Variants in STK32C observed in about 807,000 individuals in gnomAD.
The protein encoded by STK32C is serine/threonine kinase 32C.
A neutral mutation model predicts 56.5 loss-of-function variants in STK32C; 31 were observed. The ratio of observed to expected loss-of-function variants is 0.55; its 90% confidence interval spans 0.41 to 0.74. The LOEUF is 0.74. STK32C is among the 30% of genes least tolerant of loss of function. The pLI is 0.00. For synonymous variants in STK32C, 309 were observed against 289.4 expected, an observed-to-expected ratio of 1.07 and a Z score of -0.69; for missense variants, 544 against 676.9, an observed-to-expected ratio of 0.80 and a Z score of 2.18.
At chr10:132,331,509 C>T (rs1423382507) in exon 1 of STK32C, 1 of 1,612,934 alleles carries the variant, frequency 6.2e-7, no homozygotes, top group East Asian at 2.2e-5. Flanking sequence ...TCTGAGTCTG[C>T]GTTCCCCTGG....
intron 3 of STK32C, among the ~76,000 whole-genome samples, chr10:132,227,633 T>TGATGGG (rs898300308): frequency 6.6e-6 from 1 of 151,814 alleles, no homozygotes; most frequent in African/African-American, 2.4e-5. Context: ...ATGGTGATGG[T>TGATGGG]GATGACAGTG....
At chr10:132,241,356 A>C (rs142777779) in intron 2 of STK32C, among the ~76,000 whole-genome samples, 19 of 152,366 alleles carry the variant, frequency 1.2e-4, no homozygotes, top group Admixed American at 1.2e-3. Context: ...TAACACTGGG[A>C]AAAGTTAGAA....
chr10:132,326,275 G>A (rs1212979635), intron 1 of STK32C, among the ~76,000 whole-genome samples: 1 of 152,156 alleles, frequency 6.6e-6, no homozygotes, highest in South Asian at 2.1e-4. Flanking sequence ...GTGATATTAC[G>A]CCAGAGTCAG....
intron 5 of STK32C, 40 bp from the exon 6 acceptor site, chr10:132,225,656 G>A: frequency 1.2e-6 from 2 of 1,608,592 alleles, no homozygotes; most frequent in Non-Finnish European, 1.7e-6. Flanking sequence ...CCCAGGACCA[G>A]AGATGCATCC....
At chr10:132,331,929 A>T, upstream of STK32C, 1 of 511,064 alleles carries the variant, frequency 2.0e-6, no homozygotes, top group Non-Finnish European at 2.9e-6. Context: ...CCCCCACCGC[A>T]AGCGCAACCC....
In STK32C at chr10:132,222,840, C is replaced by T; in HGVS notation, c.1119+21G>A. The T allele has an allele frequency of 1.9e-6, 3 of 1,590,168 alleles. No homozygotes were observed. In the East Asian group the frequency reaches 6.9e-5, roughly 37 times the overall value. On this transcript the variant is annotated intron_variant, in intron 9 of 11. Transcript: ENST00000298630. The stretch of plus-strand genomic sequence containing the variant: ...CACATCCATCCCCAGGGCCCCCCAC[C>T]TGAGCCGCCCACAGGCTTACGTTGG...
chr10:132,259,959 C>T (rs1330872403), intron 1 of STK32C, among the ~76,000 whole-genome samples: 2 of 152,160 alleles, frequency 1.3e-5, no homozygotes, highest in African/African-American at 4.8e-5. Context: ...CCATGGTTTC[C>T]TGTTATGGGT....
chr10:132,331,814 C>T, exon 1 of STK32C: 2 of 1,578,392 alleles, frequency 1.3e-6, no homozygotes, highest in African/African-American at 1.3e-5. Flanking sequence ...CCGTCGACCA[C>T]CACCCCTTCA....
At chr10:132,273,236 A>C (rs2064886585) in intron 1 of STK32C, among the ~76,000 whole-genome samples, 1 of 152,086 alleles carries the variant, frequency 6.6e-6, no homozygotes, top group Non-Finnish European at 1.5e-5. Context: ...GTGCTCACTA[A>C]GCGACCCCAC....
At chr10:132,323,088 CTAT>C (rs1437231869), downstream of STK32C, among the ~76,000 whole-genome samples, 2 of 152,146 alleles carry the variant, frequency 1.3e-5, no homozygotes, top group African/African-American at 4.8e-5. This position sits in a 1 kb window ranked among gnomAD's most constrained non-coding sequence, Gnocchi z 4.8. Flanking sequence ...ATTCTGTGTA[CTAT>C]GATTATTTCC....
At chr10:132,265,918 G>C (rs941930784) in intron 1 of STK32C, among the ~76,000 whole-genome samples, 1 of 152,178 alleles carries the variant, frequency 6.6e-6, no homozygotes, top group South Asian at 2.1e-4. Context: ...TGCCGTGCAC[G>C]GCCGCTTGGG....
At chr10:132,269,108 T>C (rs1050321746) in intron 1 of STK32C, among the ~76,000 whole-genome samples, 1 of 150,834 alleles carries the variant, frequency 6.6e-6, no homozygotes, top group Non-Finnish European at 1.5e-5. Flanking sequence ...TCACATCGTG[T>C]GTGTGTGTGC....
intron 1 of STK32C, among the ~76,000 whole-genome samples, chr10:132,261,053 G>A (rs372077380): frequency 6.6e-6 from 1 of 152,178 alleles, no homozygotes. Context: ...CAGGGACTAC[G>A]AGCTTAGGCC....
intron 1 of STK32C, among the ~76,000 whole-genome samples, chr10:132,248,210 T>C (rs983986912): frequency 2.0e-5 from 3 of 152,084 alleles, no homozygotes; most frequent in South Asian, 2.1e-4. Flanking sequence ...CGTCACCAGA[T>C]GTTAAAGGAA....
intron 1 of STK32C, among the ~76,000 whole-genome samples, chr10:132,317,765 G>A (rs890711788): frequency 6.6e-6 from 1 of 151,870 alleles, no homozygotes; most frequent in South Asian, 2.1e-4. Context: ...AGATCACAAG[G>A]TCAAGAGATC....
chr10:132,260,122 G>A lies in STK32C; in HGVS notation c.263-14167C>T, dbSNP rs978780073. Among the ~76,000 whole-genome samples, 10 of 152,112 alleles carry A rather than the reference G, an allele frequency of 6.6e-5. No homozygotes were observed. The East Asian group carries it at 1.9e-3, about 29-fold the overall frequency. On this transcript the variant is annotated intron_variant, in intron 1 of 11. Coordinates refer to ENST00000298630, the MANE Select transcript of STK32C (RefSeq NM_173575.4). The stretch of plus-strand genomic sequence containing the variant: ...GATGATGTTGAGAGAGGGTCACCTG[G>A]CTCAGGGACCCTGGAATCAAAGCTG...
chr10:132,281,388 C>G (rs556460045), intron 1 of STK32C, among the ~76,000 whole-genome samples: 2 of 152,260 alleles, frequency 1.3e-5, no homozygotes, highest in Admixed American at 6.5e-5. Flanking sequence ...AAACAAAAGC[C>G]TGTTAAATAC....
exon 2 of STK32C, chr10:132,324,135 G>T: frequency 1.5e-6 from 1 of 681,928 alleles, no homozygotes; most frequent in Non-Finnish European, 2.7e-6. Flanking sequence ...ACAGCAGCTG[G>T]GAAAATGGAG....
In STK32C at chr10:132,209,614, G is replaced by T. The variant is rs142791668; in HGVS notation, c.1252-513C>A. Among the ~76,000 whole-genome samples, 6 of 151,620 alleles carry T rather than the reference G, an allele frequency of 4.0e-5. No homozygotes were observed. The East Asian group carries it at 5.8e-4, about 15-fold the overall frequency. Reference sequence around the variant, plus strand: ...ACCCACCCTTACTGGTGTGTGATGGGCAGGCAGGACTACTTCCTTCAGGCA... The same window carrying T: ...ACCCACCCTTACTGGTGTGTGATGGTCAGGCAGGACTACTTCCTTCAGGCA... On this transcript the variant is annotated intron_variant, in intron 10 of 11. Transcript: ENST00000298630.
Sources: gnomAD v4.1 joint callset for allele counts (sites outside exome capture counted in the v4.1 genomes callset) on GRCh38, gnomAD v4.1.1 for gene constraint, Gnocchi (gnomAD v3.1) non-coding constraint, MANE v1.5 for transcripts, NCBI Gene and HGNC (gene_info 2026-07-23, HGNC 2026-07-21) for gene names.